The following STIM2 variants were observed in gnomAD, a reference collection of about 807,000 sequenced individuals.
STIM2 encodes stromal interaction molecule 2.
STIM2 carries 31 observed loss-of-function variants against 85.8 expected under a neutral mutation model. That is an observed-to-expected ratio of 0.36 (90% CI 0.27 to 0.49). The LOEUF is 0.49. STIM2 is among the 20% of genes least tolerant of loss of function. The probability of loss-of-function intolerance (pLI) is 0.98; values close to 1 mark genes in which losing one functional copy is unlikely to be tolerated. For synonymous variants in STIM2, 356 were observed against 331.1 expected, an observed-to-expected ratio of 1.08 and a Z score of -0.82; for missense variants, 841 against 927.6, an observed-to-expected ratio of 0.91 and a Z score of 1.21.
intron 11 of STIM2, among the ~76,000 whole-genome samples, chr4:27,022,222 T>C (rs1448908821): frequency 1.3e-5 from 2 of 152,200 alleles, no homozygotes; most frequent in African/African-American, 2.4e-5. Context: ...GATAGCTGAA[T>C]CACCCGTAAA....
chr4:26,894,220 A>G (rs1723610213), intron 1 of STIM2, among the ~76,000 whole-genome samples: 1 of 152,130 alleles, frequency 6.6e-6, no homozygotes, highest in Admixed American at 6.5e-5. Flanking sequence ...TTTGATCACA[A>G]TTGCAATATC....
At chr4:27,016,920 G>A (rs1455635591) in intron 10 of STIM2, among the ~76,000 whole-genome samples, 2 of 152,244 alleles carry the variant, frequency 1.3e-5, no homozygotes, top group Non-Finnish European at 2.9e-5. Flanking sequence ...GGTTGTAGAA[G>A]TAAGGGTGTG....
intron 3 of STIM2, among the ~76,000 whole-genome samples, chr4:26,976,223 C>T (rs979372511): frequency 2.6e-5 from 4 of 152,052 alleles, no homozygotes; most frequent in Admixed American, 2.6e-4. Context: ...GATGCCCTGC[C>T]CTGCTTCAGC....
chr4:26,992,170 A>G (rs188697447), intron 3 of STIM2, among the ~76,000 whole-genome samples: 36 of 152,264 alleles, frequency 2.4e-4, no homozygotes, highest in African/African-American at 8.4e-4. Flanking sequence ...AGAATTTCTT[A>G]TACATACAAA....
chr4:26,936,478 C>T (rs1725395414), intron 2 of STIM2, among the ~76,000 whole-genome samples: 1 of 152,162 alleles, frequency 6.6e-6, no homozygotes, highest in South Asian at 2.1e-4. Context: ...AATCTCTATG[C>T]TTGAGTTCTG....
intron 1 of STIM2, among the ~76,000 whole-genome samples, chr4:26,863,097 A>G (rs1198098205): frequency 7.6e-6 from 1 of 131,768 alleles, no homozygotes; most frequent in East Asian, 2.2e-4. Flanking sequence ...GATCACATCA[A>G]GAAAATTGGT....
chr4:27,022,908 G>GC lies in STIM2; in HGVS notation c.2154dup (p.Ser719GlnfsTer5), dbSNP rs1728961068. Reference sequence around the variant, plus strand: ...GAAGCCCCAAGTGTTGCCAGAATAAGCAGCATCCCACATGACCTTTGTCAT... The same window carrying GC: ...GAAGCCCCAAGTGTTGCCAGAATAAGCCAGCATCCCACATGACCTTTGTCAT... On this transcript the variant is annotated frameshift_variant, in exon 12 of 12. Coordinates refer to ENST00000467087, the MANE Select transcript of STIM2 (RefSeq NM_020860.4). LOFTEE classifies it high-confidence loss of function. 1 of 1,614,158 alleles carries GC rather than the reference G, an allele frequency of 6.2e-7. No individual in the cohort carries two copies. Among genetic ancestry groups the GC allele is most frequent in the Non-Finnish European group, 8.5e-7 (1 of 1,180,016 alleles).
chr4:26,872,808 G>A (rs913942145), intron 1 of STIM2, among the ~76,000 whole-genome samples: 6 of 152,156 alleles, frequency 3.9e-5, no homozygotes, highest in Non-Finnish European at 5.9e-5. Flanking sequence ...AGAAAATAAT[G>A]TGGGGTACTT....
chr4:26,906,296 G>C (rs1330160925), intron 1 of STIM2, among the ~76,000 whole-genome samples: 1 of 152,062 alleles, frequency 6.6e-6, no homozygotes, highest in African/African-American at 2.4e-5. Context: ...TGGGAGGGAG[G>C]TGAAGATTGA....
chr4:26,890,696 C>A (rs1349815155), intron 1 of STIM2, among the ~76,000 whole-genome samples: 1 of 150,792 alleles, frequency 6.6e-6, no homozygotes, highest in Non-Finnish European at 1.5e-5. Context: ...TAGTGGCGGG[C>A]GCCTGTAGTC....
At chr4:26,938,797 A>G (rs553086615) in intron 2 of STIM2, among the ~76,000 whole-genome samples, 1 of 152,312 alleles carries the variant, frequency 6.6e-6, no homozygotes, top group East Asian at 1.9e-4. Context: ...ACAGAGGCTT[A>G]AGAGAGATTA....
intron 2 of STIM2, among the ~76,000 whole-genome samples, chr4:26,949,237 G>C (rs1331722111): frequency 6.6e-6 from 1 of 152,036 alleles, no homozygotes; most frequent in Non-Finnish European, 1.5e-5. Context: ...TCTGAATGCT[G>C]AGTGCCACAA....
intron 6 of STIM2, 49 bp from the exon 7 acceptor site, chr4:27,002,877 AT>A (rs781415898): frequency 1.7e-5 from 24 of 1,439,670 alleles, no homozygotes; most frequent in Middle Eastern, 1.8e-4. Flanking sequence ...GTAAAAAAAA[AT>A]AAAACTGGAA....
chr4:26,861,088 G>A lies in STIM2; in HGVS notation c.-131G>A, dbSNP rs1451523838. The A allele has an allele frequency of 7.5e-6, 9 of 1,192,884 alleles. No homozygotes were observed. The highest frequency in any genetic ancestry group is 9.3e-6 in the Non-Finnish European group (9 of 965,576). 73.9% of individuals were successfully genotyped at this position (1,192,884 alleles called of 1,614,324 possible). On this transcript the variant is annotated 5_prime_UTR_variant, in exon 1 of 12. Coordinates refer to ENST00000467087, the MANE Select transcript of STIM2 (RefSeq NM_020860.4). ...TCGCCGGCGGCGGTGGTGGCGCCTC[G>A]CGGAGCCGGCGAGCTGCAGGCGGCC...
intron 3 of STIM2, among the ~76,000 whole-genome samples, chr4:26,975,657 G>A (rs1458868671): frequency 6.6e-6 from 1 of 152,204 alleles, no homozygotes; most frequent in Non-Finnish European, 1.5e-5. Context: ...CGTATATGAG[G>A]TGTCTGTTGG....
intron 1 of STIM2, among the ~76,000 whole-genome samples, chr4:26,913,986 A>G (rs1042934261): frequency 1.3e-5 from 2 of 152,226 alleles, no homozygotes; most frequent in African/African-American, 4.8e-5. Flanking sequence ...TACATAGGGA[A>G]ATAAGACAGC....
chr4:26,867,332 T>A (rs1384579695), intron 1 of STIM2, among the ~76,000 whole-genome samples: 2 of 152,206 alleles, frequency 1.3e-5, no homozygotes, highest in African/African-American at 4.8e-5. Flanking sequence ...TATTTCTTAA[T>A]ATAAAGATTA....
chr4:26,970,461 T>A (rs1052548064), intron 3 of STIM2, among the ~76,000 whole-genome samples: 4 of 151,898 alleles, frequency 2.6e-5, no homozygotes, highest in Non-Finnish European at 5.9e-5. Flanking sequence ...GATCTCATTG[T>A]TCAGTTCCCA....
chr4:27,000,930 C>T (rs1393016162), intron 5 of STIM2, among the ~76,000 whole-genome samples: 1 of 151,938 alleles, frequency 6.6e-6, no homozygotes, highest in Non-Finnish European at 1.5e-5. Context: ...GAAGGAGAAC[C>T]TGAATTGAAC....
Sources: gnomAD v4.1 joint callset for allele counts (sites outside exome capture counted in the v4.1 genomes callset) on GRCh38, gnomAD v4.1.1 for gene constraint, MANE v1.5 for transcripts, NCBI Gene and HGNC (gene_info 2026-07-23, HGNC 2026-07-21) for gene names.